Variants in PAPPA2 observed in about 807,000 individuals in gnomAD.
The protein encoded by PAPPA2 is pappalysin 2, also known as pappalysin-2.
A neutral mutation model predicts 176.4 loss-of-function variants in PAPPA2; 86 were observed. The observed-to-expected ratio is 0.49, with a 90% CI of 0.41 to 0.58. The LOEUF is 0.58. Ranked by LOEUF, PAPPA2 falls within the 20% of genes least tolerant of loss-of-function variation. PAPPA2 has a pLI of 0.00. For missense variants in PAPPA2, 2,073 were observed against 2,256.9 expected, an observed-to-expected ratio of 0.92 and a Z score of 1.65; for synonymous variants, 809 against 852.2, an observed-to-expected ratio of 0.95 and a Z score of 0.88.
At chr1:176,731,757 G>T (rs928054618) in intron 12 of PAPPA2, among the ~76,000 whole-genome samples, 1 of 148,734 alleles carries the variant, frequency 6.7e-6, no homozygotes, top group South Asian at 2.1e-4. Flanking sequence ...ATATATATAC[G>T]CATACACATT....
intron 1 of PAPPA2, among the ~76,000 whole-genome samples, chr1:176,518,177 C>T (rs961950639): frequency 6.6e-6 from 1 of 152,130 alleles, no homozygotes; most frequent in African/African-American, 2.4e-5. Flanking sequence ...TCTATAAAGC[C>T]TTTGAGGCCT....
chr1:176,540,571 C>T (rs535476332), intron 1 of PAPPA2, among the ~76,000 whole-genome samples: 3 of 152,320 alleles, frequency 2.0e-5, no homozygotes, highest in African/African-American at 7.2e-5. Flanking sequence ...CCAGAATCTA[C>T]AGTGGTGGCT....
At chr1:176,660,794 G>C (rs1658319768) in intron 3 of PAPPA2, among the ~76,000 whole-genome samples, 1 of 152,034 alleles carries the variant, frequency 6.6e-6, no homozygotes, top group African/African-American at 2.4e-5. Context: ...GCCCATGATA[G>C]TTCCAGTAAT....
At chr1:176,545,640 A>G (rs1050028676) in intron 1 of PAPPA2, among the ~76,000 whole-genome samples, 9 of 152,192 alleles carry the variant, frequency 5.9e-5, no homozygotes, top group Non-Finnish European at 1.0e-4. Context: ...ATCATTTTAT[A>G]TAAGGGACTT....
chr1:176,790,396 G>A (rs1482440001), intron 18 of PAPPA2, among the ~76,000 whole-genome samples: 1 of 152,102 alleles, frequency 6.6e-6, no homozygotes, highest in African/African-American at 2.4e-5. Context: ...CCCTCCCTAG[G>A]ATTTTGGCAC....
chr1:176,786,095 G>A (rs1174830921), intron 17 of PAPPA2, among the ~76,000 whole-genome samples: 2 of 152,152 alleles, frequency 1.3e-5, no homozygotes, highest in Admixed American at 1.3e-4. Flanking sequence ...AAAGAAGAGA[G>A]TCCCCGGAGG....
chr1:176,599,192 T>C (rs1558463815), intron 3 of PAPPA2, among the ~76,000 whole-genome samples: 1 of 107,932 alleles, frequency 9.3e-6, no homozygotes, highest in Non-Finnish European at 2.2e-5. Flanking sequence ...TGTATGTACA[T>C]ATATATATAT....
chr1:176,695,887 T>C (rs1292012845), intron 7 of PAPPA2, 28 bp downstream of exon 7: 5 of 1,610,802 alleles, frequency 3.1e-6, no homozygotes, highest in East Asian at 2.2e-5. Flanking sequence ...TTTTTCTTTA[T>C]ACCCTGGTGA....
chr1:176,679,554 G>T (rs1356157670), intron 4 of PAPPA2, among the ~76,000 whole-genome samples: 9 of 152,238 alleles, frequency 5.9e-5, no homozygotes, highest in African/African-American at 2.2e-4. Context: ...AAGCATAGGA[G>T]ACCATCTTCT....
At chr1:176,512,923 A>T (rs1425297428) in intron 1 of PAPPA2, among the ~76,000 whole-genome samples, 1 of 152,180 alleles carries the variant, frequency 6.6e-6, no homozygotes, top group Admixed American at 6.6e-5. Context: ...TGCCATTCTC[A>T]CCAGGTATTT....
At chr1:176,743,099 C>A (rs1210705665) in intron 14 of PAPPA2, among the ~76,000 whole-genome samples, 2 of 152,026 alleles carry the variant, frequency 1.3e-5, no homozygotes, top group African/African-American at 4.8e-5. Flanking sequence ...ACACAGAATA[C>A]GAAAACTCTT....
At chr1:176,619,415 T>C (rs1481957456) in intron 3 of PAPPA2, among the ~76,000 whole-genome samples, 2 of 152,224 alleles carry the variant, frequency 1.3e-5, no homozygotes, top group Non-Finnish European at 2.9e-5. Context: ...TTTGACTGAA[T>C]GACGTTAGAT....
chr1:176,495,306 C>T (rs1466645426), intron 1 of PAPPA2, among the ~76,000 whole-genome samples: 1 of 151,858 alleles, frequency 6.6e-6, no homozygotes, highest in African/African-American at 2.4e-5. Flanking sequence ...TTTGGGAGGC[C>T]GAGGCAGGCG....
In PAPPA2 at chr1:176,601,590, T is replaced by G. The variant is rs538102624; in HGVS notation, c.1991+5995T>G. On this transcript the variant is annotated intron_variant, in intron 3 of 22. Coordinates refer to ENST00000367662, the MANE Select transcript of PAPPA2 (RefSeq NM_020318.3). ...AACAGACTTACCAAGATAAAGGAAC[T>G]TGGAACTAGGCAGGGCTACATAAGC... 1.4e-3 allele frequency among the ~76,000 whole-genome samples: 215 copies of G among 152,290 alleles called. 1 individual carries two copies. Among genetic ancestry groups the G allele is most frequent in the East Asian group, 7.7e-4 (4 of 5,180 alleles).
At chr1:176,707,657 TC>T (rs1571206967) in intron 10 of PAPPA2, among the ~76,000 whole-genome samples, 1 of 152,088 alleles carries the variant, frequency 6.6e-6, no homozygotes, top group African/African-American at 2.4e-5. Context: ...TCCCCTTTTT[TC>T]CAGTTCGAAA....
intron 1 of PAPPA2, among the ~76,000 whole-genome samples, chr1:176,464,000 A>G (rs771604812): frequency 3.3e-5 from 5 of 152,166 alleles, no homozygotes; most frequent in Non-Finnish European, 5.9e-5. Context: ...GGGAGGATAT[A>G]ATTGAGCCAA....
intron 3 of PAPPA2, among the ~76,000 whole-genome samples, chr1:176,604,963 T>C (rs1194364077): frequency 1.3e-5 from 2 of 152,212 alleles, no homozygotes; most frequent in South Asian, 4.1e-4. Context: ...GTCTCATTGC[T>C]ATGGTAGCGT....
At chr1:176,709,919 T>G in intron 10 of PAPPA2, 64 bp from the exon 11 acceptor site, 1 of 1,417,214 alleles carries the variant, frequency 7.1e-7, no homozygotes, top group Non-Finnish European at 9.7e-7. Flanking sequence ...GACATTCCCA[T>G]GTTCATTTTT....
chr1:176,562,562 G>A (rs992733154), intron 2 of PAPPA2, among the ~76,000 whole-genome samples: 7 of 152,212 alleles, frequency 4.6e-5, no homozygotes, highest in African/African-American at 1.7e-4. Context: ...CAAGAATCCT[G>A]TGGAACTGTG....
Sources: allele counts gnomAD v4.1 joint callset (sites outside exome capture counted in the v4.1 genomes callset), GRCh38; gene constraint gnomAD v4.1.1; transcripts MANE v1.5; gene names NCBI Gene and HGNC (gene_info 2026-07-23, HGNC 2026-07-21).